The following STRN3 variants were observed in gnomAD, a reference collection of about 807,000 sequenced individuals.
STRN3 encodes striatin 3.
A neutral mutation model predicts 95.6 loss-of-function variants in STRN3; 29 were observed. The ratio of observed to expected loss-of-function variants is 0.30; its 90% CI spans 0.23 to 0.41. The LOEUF (loss-of-function observed/expected upper bound fraction) is 0.41. Among genes scored for constraint, STRN3 ranks in the 10% least tolerant of loss-of-function variants. The pLI is 1.00. For missense variants in STRN3, 890 were observed against 972.1 expected, an observed-to-expected ratio of 0.92 and a Z score of 1.12; for synonymous variants, 331 against 357.6, an observed-to-expected ratio of 0.93 and a Z score of 0.84.
intron 1 of STRN3, among the ~76,000 whole-genome samples, chr14:30,961,185 T>C (rs924266709): frequency 7.9e-5 from 12 of 152,188 alleles, no homozygotes; most frequent in African/African-American, 1.4e-4. Flanking sequence ...AAAATGTTTT[T>C]TAAAGTACCA....
chr14:30,942,111 T>G (rs1179754421), intron 5 of STRN3, among the ~76,000 whole-genome samples: 2 of 152,206 alleles, frequency 1.3e-5, no homozygotes, highest in African/African-American at 4.8e-5. Flanking sequence ...CCAGGGTCAC[T>G]CAGTCAGTTG....
chr14:30,948,200 A>T (rs934171248), intron 4 of STRN3, among the ~76,000 whole-genome samples: 5 of 152,242 alleles, frequency 3.3e-5, no homozygotes, highest in Non-Finnish European at 7.4e-5. Flanking sequence ...CATTCAAAAA[A>T]ATTATACAGA....
Position 30,991,233 on chromosome 14 carries a change from T to A in STRN3, c.282+34671A>T, listed in dbSNP as rs1019978846. ...GTAACCTATTTCTCCTCCATTAGAT[T>A]TGAAGTTACCTGAATAAAAGAACTT... On this transcript the variant is annotated intron_variant, in intron 1 of 17. Transcript: ENST00000357479. Among the ~76,000 whole-genome samples the A allele has an allele frequency of 1.3e-5, 2 of 152,128 alleles. 1 individual carries two copies. Among genetic ancestry groups the A allele is most frequent in the African/African-American group, 4.8e-5 (2 of 41,424 alleles).
chr14:30,925,701 C>T (rs1897010816), intron 8 of STRN3, among the ~76,000 whole-genome samples: 1 of 151,972 alleles, frequency 6.6e-6, no homozygotes, highest in African/African-American at 2.4e-5. Context: ...AGTGCTGTAA[C>T]CACAAAGAAA....
chr14:30,997,210 G>A (rs912711881), intron 1 of STRN3, among the ~76,000 whole-genome samples: 1 of 152,136 alleles, frequency 6.6e-6, no homozygotes, highest in Non-Finnish European at 1.5e-5. Context: ...TGAAAAATGG[G>A]AGGGGGACAT....
intron 7 of STRN3, among the ~76,000 whole-genome samples, chr14:30,933,322 T>C (rs1314441613): frequency 3.3e-5 from 4 of 121,060 alleles, no homozygotes; most frequent in African/African-American, 9.2e-5. Context: ...AGAAGAACCA[T>C]GTATTAAGTG....
intron 7 of STRN3, among the ~76,000 whole-genome samples, chr14:30,934,300 G>A (rs1428661869): frequency 2.0e-5 from 3 of 152,096 alleles, no homozygotes; most frequent in African/African-American, 7.2e-5. Flanking sequence ...TTGCAGCCTG[G>A]CGACAGAGCG....
At chr14:30,924,285 A>ATTTTTTTTTTTTTT (rs1566438140) in intron 8 of STRN3, among the ~76,000 whole-genome samples, 3 of 33,554 alleles carry the variant, frequency 8.9e-5, no homozygotes, top group Non-Finnish European at 1.2e-4. Flanking sequence ...CATGCCTTAA[A>ATTTTTTTTTTTTTT]TCTTTTTTTT....
At chr14:30,909,792 T>C (rs1896561695) in intron 13 of STRN3, among the ~76,000 whole-genome samples, 1 of 152,184 alleles carries the variant, frequency 6.6e-6, no homozygotes, top group Non-Finnish European at 1.5e-5. Context: ...CTGTATACTT[T>C]AAAAGGGTGA....
At chr14:30,904,479 AT>A (rs1410777265) in intron 15 of STRN3, among the ~76,000 whole-genome samples, 1 of 152,178 alleles carries the variant, frequency 6.6e-6, no homozygotes, top group Non-Finnish European at 1.5e-5. Flanking sequence ...CCAACTCATT[AT>A]TTTAAAAACT....
At chr14:31,002,776 C>A (rs1882528925) in intron 1 of STRN3, among the ~76,000 whole-genome samples, 1 of 151,986 alleles carries the variant, frequency 6.6e-6, no homozygotes, top group Non-Finnish European at 1.5e-5. Flanking sequence ...TGTAAGGTAC[C>A]TAGAGTAGTC....
rs1029149367 is a variant in STRN3, at chr14:31,026,246, A to C, written c.-61T>G. 3 of 1,360,610 alleles carry C rather than the reference A, an allele frequency of 2.2e-6. No individual in the cohort carries two copies. The highest frequency in any genetic ancestry group is 1.9e-6 in the Non-Finnish European group (2 of 1,064,486). 84.3% of individuals were successfully genotyped at this position (1,360,610 alleles called of 1,614,324 possible). A position where few individuals can be genotyped will look rare whatever the true frequency, so the allele number is the denominator to read the frequency against. The stretch of plus-strand genomic sequence containing the variant: ...CGCCGACAGCTGGGGGAAGGGCCGG[A>C]GAGGGTGGCCCCGCGCTGGCTGCGG... On this transcript the variant is annotated 5_prime_UTR_variant, in exon 1 of 18. Transcript: ENST00000357479.
intron 1 of STRN3, among the ~76,000 whole-genome samples, chr14:31,007,781 C>CTA (rs1594575988): frequency 1.3e-5 from 2 of 152,168 alleles, no homozygotes; most frequent in South Asian, 2.1e-4. Flanking sequence ...TGTCATTCAC[C>CTA]TATAGTCTCA....
chr14:30,935,019 T>A, intron 7 of STRN3, 144 bp downstream of exon 7: 1 of 1,028,480 alleles, frequency 9.7e-7, no homozygotes, highest in Non-Finnish European at 1.3e-6. Context: ...ACAAAATACC[T>A]TGATATTATT....
chr14:30,936,440 C>G (rs1321635124), intron 6 of STRN3, 55 bp downstream of exon 6: 2 of 1,545,832 alleles, frequency 1.3e-6, no homozygotes, highest in Non-Finnish European at 1.7e-6. Flanking sequence ...CTTAAAAATT[C>G]CCATTCCAAC....
At chr14:31,002,991 C>T (rs775365222) in intron 1 of STRN3, among the ~76,000 whole-genome samples, 14 of 152,014 alleles carry the variant, frequency 9.2e-5, no homozygotes, top group Non-Finnish European at 2.1e-4. Flanking sequence ...AGGCCGGGCA[C>T]GGTGGCTCAT....
chr14:31,009,353 T>C (rs1037127793), intron 1 of STRN3, among the ~76,000 whole-genome samples: 2 of 152,158 alleles, frequency 1.3e-5, no homozygotes, highest in Non-Finnish European at 2.9e-5. Flanking sequence ...GGCTGTCCCG[T>C]GCGTGTTTAG....
Position 30,911,049 on chromosome 14 carries a change from T to A in STRN3, c.1712A>T (p.Asp571Val). Residue 571 changes from aspartate (D) to valine (V), a missense_variant, in exon 13 of 18, where the codon GAT becomes GTT. This residue lies in a region of STRN3 where 357 missense variants were observed against 422.8 expected (regional missense o/e 0.84). Transcript: ENST00000357479. ...NMPSPSVDPYDTYEPNVLAGT... is the reference protein window; with the variant it reads ...NMPSPSVDPYVTYEPNVLAGT... ...TTGATCATTTTACTTACCATATGTA[T>A]CATATGGATCTACACTGGGACTCGG... is the stretch of plus-strand genomic sequence containing the variant. The A allele has an allele frequency of 1.3e-6, 2 of 1,598,274 alleles. No individual in the cohort carries two copies. Among genetic ancestry groups the A allele is most frequent in the Non-Finnish European group, 1.7e-6 (2 of 1,173,204 alleles).
intron 1 of STRN3, among the ~76,000 whole-genome samples, chr14:30,983,575 G>GTTT (rs1881517240): frequency 1.3e-5 from 2 of 152,174 alleles, no homozygotes; most frequent in South Asian, 4.1e-4. Context: ...AGGCAAAGAT[G>GTTT]TTTTTTCATG....
Sources: gnomAD v4.1 joint callset for allele counts (sites outside exome capture counted in the v4.1 genomes callset) on GRCh38, gnomAD v4.1.1 for gene constraint, gnomAD v4.1.1 regional missense constraint, MANE v1.5 for transcripts, NCBI Gene and HGNC (gene_info 2026-07-23, HGNC 2026-07-21) for gene names.